Variants in DTNB observed in about 807,000 individuals in gnomAD.
DTNB encodes the protein dystrobrevin beta.
Under a neutral mutation model 90.7 loss-of-function variants are expected in DTNB, and 63 were observed. That is an observed-to-expected ratio of 0.69 (90% CI 0.57 to 0.86). DTNB has a LOEUF of 0.86. Ranked by LOEUF, DTNB falls within the 40% of genes least tolerant of loss-of-function variation. The pLI is 0.00. For synonymous variants in DTNB, 277 were observed against 286.7 expected (o/e 0.97, Z 0.34); for missense variants, 744 against 807.1 (o/e 0.92, Z 0.95).
chr2:25,582,156 C>G (rs372490636), intron 6 of DTNB, among the ~76,000 whole-genome samples: 22 of 152,240 alleles, frequency 1.4e-4, no homozygotes, highest in African/African-American at 4.3e-4. Flanking sequence ...ATATTGCTGG[C>G]TGATTACAAA....
At chr2:25,487,880 A>C (rs1302372430) in intron 9 of DTNB, among the ~76,000 whole-genome samples, 1 of 152,212 alleles carries the variant, frequency 6.6e-6, no homozygotes, top group Non-Finnish European at 1.5e-5. Flanking sequence ...GCACAAGGTG[A>C]GAGATCTGAA....
chr2:25,617,773 G>A (rs758831241), intron 4 of DTNB, among the ~76,000 whole-genome samples: 8 of 152,118 alleles, frequency 5.3e-5, no homozygotes, highest in Non-Finnish European at 1.2e-4. Flanking sequence ...AGCTACATGG[G>A]AGGCTGAGGT....
At chr2:25,660,189 T>C (rs1319077509) in intron 1 of DTNB, among the ~76,000 whole-genome samples, 4 of 152,174 alleles carry the variant, frequency 2.6e-5, no homozygotes, top group African/African-American at 9.7e-5. Flanking sequence ...GGAATGAAAC[T>C]GCAGTATATT....
At chr2:25,582,731 A>C (rs1321861300) in intron 6 of DTNB, among the ~76,000 whole-genome samples, 1 of 152,194 alleles carries the variant, frequency 6.6e-6, no homozygotes, top group East Asian at 1.9e-4. Flanking sequence ...CTGATGGTGA[A>C]GCATGAGAAG....
At chr2:25,575,753 T>C (rs1284525793) in intron 8 of DTNB, among the ~76,000 whole-genome samples, 1 of 152,224 alleles carries the variant, frequency 6.6e-6, no homozygotes, top group African/African-American at 2.4e-5. Flanking sequence ...TCCTGAATTA[T>C]ACTTCTGACC....
chr2:25,523,054 T>A (rs1331729110), intron 9 of DTNB, among the ~76,000 whole-genome samples: 14 of 152,144 alleles, frequency 9.2e-5, no homozygotes, highest in Non-Finnish European at 1.9e-4. Context: ...TAATTTATTA[T>A]TTTGCTGGCT....
intron 4 of DTNB, among the ~76,000 whole-genome samples, chr2:25,610,387 A>C (rs1478871974): frequency 6.6e-6 from 1 of 152,052 alleles, no homozygotes; most frequent in African/African-American, 2.4e-5. Flanking sequence ...AGAGAGAGAG[A>C]GTATATGTGC....
chr2:25,664,748 T>C (rs1559439013), intron 1 of DTNB, among the ~76,000 whole-genome samples: 1 of 152,128 alleles, frequency 6.6e-6, no homozygotes, highest in Non-Finnish European at 1.5e-5. Flanking sequence ...ATTAGGGGTG[T>C]TAGAAGTAGA....
chr2:25,636,544 G>C (rs1457201540), intron 3 of DTNB, among the ~76,000 whole-genome samples: 1 of 152,002 alleles, frequency 6.6e-6, no homozygotes, highest in Non-Finnish European at 1.5e-5. Flanking sequence ...CGAACTTTTT[G>C]ACCACGAGCA....
chr2:25,512,022 T>C (rs1158299637), intron 9 of DTNB, among the ~76,000 whole-genome samples: 1 of 152,200 alleles, frequency 6.6e-6, no homozygotes, highest in Non-Finnish European at 1.5e-5. Context: ...TTTCTTTAAA[T>C]TCATGCTTGG....
chr2:25,503,968 T>C (rs1043167353), intron 9 of DTNB, among the ~76,000 whole-genome samples: 6 of 148,010 alleles, frequency 4.1e-5, no homozygotes, highest in South Asian at 2.2e-4. Context: ...AAAAAATATG[T>C]AGAAATAAAT....
intron 8 of DTNB, among the ~76,000 whole-genome samples, chr2:25,550,564 T>G (rs1572447759): frequency 6.6e-6 from 1 of 152,192 alleles, no homozygotes; most frequent in African/African-American, 2.4e-5. Context: ...TGATGCCTAT[T>G]CTATTTAATA....
chr2:25,401,161 C>T (rs1207755060), intron 16 of DTNB, among the ~76,000 whole-genome samples: 6 of 152,074 alleles, frequency 3.9e-5, no homozygotes, highest in Admixed American at 1.3e-4. Context: ...AAACTGCTGG[C>T]GGAAAACTAA....
chr2:25,471,479 T>G (rs2062804552), intron 10 of DTNB, among the ~76,000 whole-genome samples: 1 of 151,028 alleles, frequency 6.6e-6, no homozygotes, highest in Non-Finnish European at 1.5e-5. Flanking sequence ...CACTGAAACC[T>G]CCGTCTCCCA....
intron 1 of DTNB, among the ~76,000 whole-genome samples, chr2:25,655,771 T>C (rs1387163942): frequency 1.3e-5 from 2 of 152,206 alleles, no homozygotes; most frequent in African/African-American, 4.8e-5. Context: ...TACACTGGCC[T>C]GACAGCACCT....
At chr2:25,429,157 C>T (rs1225595993) in intron 14 of DTNB, among the ~76,000 whole-genome samples, 1 of 152,176 alleles carries the variant, frequency 6.6e-6, no homozygotes, top group African/African-American at 2.4e-5. Context: ...AGACTTAGTG[C>T]AGGAAACAGC....
At chr2:25,630,327 G>A (rs1353023352) in intron 3 of DTNB, among the ~76,000 whole-genome samples, 2 of 152,190 alleles carry the variant, frequency 1.3e-5, no homozygotes, top group African/African-American at 4.8e-5. Flanking sequence ...AAACAATTTA[G>A]GAGTTCCTTA....
intron 10 of DTNB, among the ~76,000 whole-genome samples, chr2:25,457,411 A>G (rs2060216513): frequency 6.6e-6 from 1 of 152,158 alleles, no homozygotes; most frequent in Admixed American, 6.5e-5. Context: ...TAGAGACTGC[A>G]GTCAGGATGC....
intron 1 of DTNB, among the ~76,000 whole-genome samples, chr2:25,669,616 G>T (rs373151573): frequency 6.6e-6 from 1 of 152,148 alleles, no homozygotes. Context: ...GCAACACACA[G>T]ACCCACTGAA....
Sources: gnomAD v4.1 joint callset for allele counts (sites outside exome capture counted in the v4.1 genomes callset) on GRCh38, gnomAD v4.1.1 for gene constraint, MANE v1.5 for transcripts, NCBI Gene and HGNC (gene_info 2026-07-23, HGNC 2026-07-21) for gene names.